Variants in PDSS2 observed in about 807,000 individuals in gnomAD.
PDSS2 encodes the protein decaprenyl diphosphate synthase subunit 2.
PDSS2 carries 31 observed loss-of-function variants against 44.5 expected under a neutral mutation model. The ratio of observed to expected loss-of-function variants is 0.70; its 90% CI spans 0.52 to 0.94. The LOEUF (loss-of-function observed/expected upper bound fraction) is 0.94. Among genes scored for constraint, PDSS2 ranks in the 40% least tolerant of loss-of-function variants. PDSS2 has a pLI of 0.00. For synonymous variants in PDSS2, 157 were observed against 180.3 expected (o/e 0.87, Z 1.03); for missense variants, 452 against 482.2 (o/e 0.94, Z 0.59).
At chr6:107,181,612 G>A (rs527739987) in intron 7 of PDSS2, among the ~76,000 whole-genome samples, 7 of 150,936 alleles carry the variant, frequency 4.6e-5, no homozygotes, top group African/African-American at 9.7e-5. Flanking sequence ...ATGGATGGTC[G>A]GGCACCGTGG....
chr6:107,169,987 C>G (rs1480510028), intron 7 of PDSS2, among the ~76,000 whole-genome samples: 3 of 152,134 alleles, frequency 2.0e-5, no homozygotes, highest in African/African-American at 7.2e-5. Flanking sequence ...CTGGGAGAAC[C>G]ACTACTCTCT....
At chr6:107,280,819 G>A (rs1346871950) in intron 2 of PDSS2, among the ~76,000 whole-genome samples, 1 of 152,194 alleles carries the variant, frequency 6.6e-6, no homozygotes, top group Non-Finnish European at 1.5e-5. Flanking sequence ...GGAGATAAAA[G>A]ACAACGGAGC....
At position 107,228,397 on chromosome 6, in the gene PDSS2, TA is replaced by T. The variant is rs558969742; in HGVS notation, c.703-16116del. ...CATTTGCTACTTTTATTTTTTTAAT[TA>T]AAAAAGTTTGCTAGGCCAGGCGCGG... On this transcript the variant is annotated intron_variant, in intron 4 of 7. Transcript: ENST00000369037. 2.6e-4 allele frequency among the ~76,000 whole-genome samples: 39 copies of T among 152,248 alleles called. No individual in the cohort carries two copies. In the East Asian group the frequency reaches 7.3e-3, roughly 29 times the overall value.
chr6:107,415,840 T>G (rs1242769024), intron 1 of PDSS2, among the ~76,000 whole-genome samples: 2 of 152,210 alleles, frequency 1.3e-5, no homozygotes, highest in African/African-American at 4.8e-5. Context: ...GAAAAGGTAC[T>G]GTATCAGAGA....
At chr6:107,258,261 G>C (rs951084218) in intron 3 of PDSS2, among the ~76,000 whole-genome samples, 7 of 152,016 alleles carry the variant, frequency 4.6e-5, no homozygotes, top group Non-Finnish European at 1.0e-4. Flanking sequence ...TGGCTTCTCT[G>C]TTACTTTCCT....
intron 7 of PDSS2, 128 bp from the exon 8 acceptor site, chr6:107,154,905 C>G (rs1189473757): frequency 1.2e-6 from 1 of 850,682 alleles, no homozygotes; most frequent in African/African-American, 1.7e-5. Flanking sequence ...ATTTCTGCTA[C>G]GTTATTTTCT....
At chr6:107,337,286 G>C (rs1406758176) in intron 1 of PDSS2, among the ~76,000 whole-genome samples, 1 of 152,124 alleles carries the variant, frequency 6.6e-6, no homozygotes, top group African/African-American at 2.4e-5. Flanking sequence ...ATACCTGGTA[G>C]GTGGCAGAAC....
chr6:107,330,305 A>T (rs1045471823), intron 2 of PDSS2, among the ~76,000 whole-genome samples: 2 of 152,182 alleles, frequency 1.3e-5, no homozygotes, highest in African/African-American at 4.8e-5. Flanking sequence ...ATGGCCAGCC[A>T]CCTGCATGGG....
intron 3 of PDSS2, among the ~76,000 whole-genome samples, chr6:107,270,131 C>T (rs990055070): frequency 9.2e-5 from 14 of 151,654 alleles, no homozygotes; most frequent in Non-Finnish European, 1.5e-4. Context: ...TTTTTGAGAC[C>T]GAGATTCGCT....
At chr6:107,334,686 A>AT (rs1280276605) in intron 1 of PDSS2, among the ~76,000 whole-genome samples, 1 of 147,492 alleles carries the variant, frequency 6.8e-6, no homozygotes, top group Non-Finnish European at 1.5e-5. Context: ...AACTTTAGGT[A>AT]TGCACCACGA....
chr6:107,256,355 A>G (rs1263634468), intron 3 of PDSS2, among the ~76,000 whole-genome samples: 3 of 152,210 alleles, frequency 2.0e-5, no homozygotes, highest in African/African-American at 7.2e-5. Flanking sequence ...ATTTGGCCAA[A>G]GAGCTAAAAA....
chr6:107,336,071 A>G (rs940614991), intron 1 of PDSS2, among the ~76,000 whole-genome samples: 2 of 151,766 alleles, frequency 1.3e-5, no homozygotes, highest in Non-Finnish European at 2.9e-5. Flanking sequence ...CCCGGCCAAC[A>G]TGGCGAAACT....
intron 1 of PDSS2, among the ~76,000 whole-genome samples, chr6:107,414,524 A>G (rs2114669176): frequency 6.6e-6 from 1 of 152,360 alleles, no homozygotes; most frequent in Non-Finnish European, 1.5e-5. Flanking sequence ...ATTCTTAAGC[A>G]CAGCCAGAGA....
chr6:107,222,835 G>GC (rs1773655746), intron 4 of PDSS2, among the ~76,000 whole-genome samples: 1 of 151,962 alleles, frequency 6.6e-6, no homozygotes, highest in South Asian at 2.1e-4. Context: ...ACTGGGTGTG[G>GC]TGGCTCATAC....
chr6:107,270,265 C>T (rs568936581), intron 3 of PDSS2, among the ~76,000 whole-genome samples: 36 of 152,116 alleles, frequency 2.4e-4, no homozygotes, highest in African/African-American at 7.5e-4. Context: ...TGTGCCACCA[C>T]ACTCGGCTAA....
At chr6:107,404,488 T>A (rs184374975) in intron 1 of PDSS2, among the ~76,000 whole-genome samples, 22 of 152,316 alleles carry the variant, frequency 1.4e-4, no homozygotes, top group African/African-American at 5.1e-4. Flanking sequence ...TGAGACTGGA[T>A]AATTTATAAA....
chr6:107,244,679 C>T (rs897334647), intron 4 of PDSS2, among the ~76,000 whole-genome samples: 2 of 152,170 alleles, frequency 1.3e-5, no homozygotes, highest in Non-Finnish European at 2.9e-5. Context: ...AATTTCTTAT[C>T]CAAGTTACTC....
At chr6:107,162,494 CAAAAAA>C (rs374615595) in intron 7 of PDSS2, among the ~76,000 whole-genome samples, 1 of 58,606 alleles carries the variant, frequency 1.7e-5, no homozygotes. Flanking sequence ...GAGACCATCT[CAAAAAA>C]AAAAAAAAAA....
intron 2 of PDSS2, among the ~76,000 whole-genome samples, chr6:107,305,582 G>A (rs1776832702): frequency 6.6e-6 from 1 of 152,154 alleles, no homozygotes; most frequent in South Asian, 2.1e-4. Context: ...TCATAGGACT[G>A]TTGTAAGGAG....
Sources: allele counts gnomAD v4.1 joint callset (sites outside exome capture counted in the v4.1 genomes callset), GRCh38; gene constraint gnomAD v4.1.1; transcripts MANE v1.5; gene names NCBI Gene and HGNC (gene_info 2026-07-23, HGNC 2026-07-21).